Variants in ZNF212 observed in about 807,000 individuals in gnomAD.
ZNF212 encodes the protein Zinc finger protein C2H2-150.
A neutral mutation model predicts 47.3 loss-of-function variants in ZNF212; 32 were observed. The observed-to-expected ratio is 0.68, with a 90% CI of 0.51 to 0.91. ZNF212 has a LOEUF of 0.91. Ranked by LOEUF, ZNF212 falls within the 40% of genes least tolerant of loss-of-function variation. The probability of loss-of-function intolerance (pLI) is 0.00; values close to 1 mark genes in which losing one functional copy is unlikely to be tolerated. For missense variants in ZNF212, 555 were observed against 622.8 expected, an observed-to-expected ratio of 0.89 and a Z score of 1.16; for synonymous variants, 242 against 253.8, an observed-to-expected ratio of 0.95 and a Z score of 0.44.
chr7:149,252,904 T>C, intron 4 of ZNF212, 109 bp downstream of exon 4: 1 of 1,020,366 alleles, frequency 9.8e-7, no homozygotes, highest in South Asian at 1.5e-5. Flanking sequence ...TCATCTGGCA[T>C]CTGCTTGTTC....
At position 149,253,630 on chromosome 7, in the gene ZNF212, T is replaced by C; in HGVS notation, c.703T>C (p.Ser235Pro). The change falls in exon 5 of 5, where the codon TCA becomes CCA. Residue 235 changes from serine (S) to proline (P), a missense_variant. Coordinates refer to ENST00000335870, the MANE Select transcript of ZNF212 (RefSeq NM_012256.4). Reference protein sequence around the residue: ...EGPADLPGEFSCIAEEQAFLS... With the variant: ...EGPADLPGEFPCIAEEQAFLS... ...CCCTGCGGATCTTCCTGGAGAGTTC[T>C]CATGCATTGCTGAAGAGCAGGCTTT... is the stretch of plus-strand genomic sequence containing the variant. 1 of 1,614,226 alleles carries C rather than the reference T, an allele frequency of 6.2e-7. No homozygotes were observed. Among genetic ancestry groups the C allele is most frequent in the East Asian group, 2.2e-5 (1 of 44,884 alleles).
chr7:149,239,842 G>A (rs891404521), intron 1 of ZNF212, 40 bp downstream of exon 1: 12 of 1,265,736 alleles, frequency 9.5e-6, no homozygotes, highest in East Asian at 3.1e-5. Context: ...GGCGCGTTGG[G>A]GATGGCGGAG....
Position 149,255,379 on chromosome 7 carries a change from C to G in ZNF212, c.*964C>G, listed in dbSNP as rs1054245008. The G allele has an allele frequency of 5.9e-5, 9 of 153,632 alleles. No individual in the cohort carries two copies. Among genetic ancestry groups the G allele is most frequent in the African/African-American group, 1.9e-4 (8 of 41,392 alleles). The allele number at this position is 153,632 out of a possible 1,614,324, so 9.5% of individuals were successfully genotyped here. On this transcript the variant is annotated 3_prime_UTR_variant, in exon 5 of 5. Transcript: ENST00000335870. ...TGAGTTTGTTCCTATTACACCAATCCTTACTTGAGGTGGTTCGGATTACAG... is the reference window on the plus strand; with the variant it reads ...TGAGTTTGTTCCTATTACACCAATCGTTACTTGAGGTGGTTCGGATTACAG...
At position 149,239,655 on chromosome 7, in the gene ZNF212, T is replaced by C. The variant is rs917053162; in HGVS notation, c.-124T>C. Reference sequence around the variant, plus strand: ...GCCGGGGAGGTCGCTGCTCCCAGAATGCACCTGGCATCAACACGGCGGCGG... The same window carrying C: ...GCCGGGGAGGTCGCTGCTCCCAGAACGCACCTGGCATCAACACGGCGGCGG... On this transcript the variant is annotated 5_prime_UTR_variant, in exon 1 of 5. It removes an upstream start codon present in the reference 5' UTR. Coordinates refer to ENST00000335870, the MANE Select transcript of ZNF212 (RefSeq NM_012256.4). 2.1e-6 allele frequency: 2 copies of C among 950,078 alleles called. No individual in the cohort carries two copies. Among genetic ancestry groups the C allele is most frequent in the Non-Finnish European group, 2.8e-6 (2 of 726,364 alleles). The allele number at this position is 950,078 out of a possible 1,614,324, so 58.9% of individuals were successfully genotyped here.
rs781523529 is a variant in ZNF212 at position 149,254,421 on chromosome 7, C to T, written c.*6C>T. Reference sequence around the variant, plus strand: ...GGCCCAATGGCCTGCTTTAAGGGTGCAGCCCCTCGCCCGTCTGGGGGATGG... The same window carrying T: ...GGCCCAATGGCCTGCTTTAAGGGTGTAGCCCCTCGCCCGTCTGGGGGATGG... On this transcript the variant is annotated 3_prime_UTR_variant, in exon 5 of 5. Coordinates refer to ENST00000335870, the MANE Select transcript of ZNF212 (RefSeq NM_012256.4). The surrounding 1 kb of genome is among the most constrained non-coding windows in gnomAD (Gnocchi z 4.5). 4 of 1,586,856 alleles carry T rather than the reference C, an allele frequency of 2.5e-6. No individual in the cohort carries two copies. Among genetic ancestry groups the T allele is most frequent in the Non-Finnish European group, 8.5e-7 (1 of 1,173,030 alleles).
Position 149,252,481 on chromosome 7 carries a change from C to G in ZNF212, c.542-225C>G, listed in dbSNP as rs542256428. On this transcript the variant is annotated intron_variant, in intron 3 of 4. Transcript: ENST00000335870. The stretch of plus-strand genomic sequence containing the variant: ...TGTAGCCTGCCTGCCTGAGCCACAG[C>G]CCCTCTAATGGAGGAGCACTGGAGG... Among the ~76,000 whole-genome samples, 18 of 152,366 alleles carry G rather than the reference C, an allele frequency of 1.2e-4. No homozygotes were observed. In the East Asian group the frequency reaches 3.3e-3, roughly 28 times the overall value.
chr7:149,251,941 TAAA>T (rs36067111), intron 3 of ZNF212, among the ~76,000 whole-genome samples: 49 of 109,528 alleles, frequency 4.5e-4, no homozygotes, highest in African/African-American at 1.4e-3. Context: ...CTCTGTTGCT[TAAA>T]AAAAAAAAAA....
At chr7:149,250,104 C>CT (rs1159876990) in intron 1 of ZNF212, 55 bp from the exon 2 acceptor site, 1 of 1,459,540 alleles carries the variant, frequency 6.9e-7, no homozygotes, top group African/African-American at 1.4e-5. Flanking sequence ...TTGAACACTG[C>CT]TTTCTTTACT....
chr7:149,254,273 A>C lies in ZNF212; in HGVS notation c.1346A>C (p.His449Pro). Residue 449 changes from histidine (H) to proline (P), a missense_variant, in exon 5 of 5, where the codon CAC (histidine) becomes CCC (proline). His to Pro is a moderately conservative substitution (Grantham distance 77, BLOSUM62 -2). Transcript: ENST00000335870. This position sits in a 1 kb window ranked among gnomAD's most constrained non-coding sequence, Gnocchi z 4.5. Reference sequence around the variant, plus strand: ...GACTTGGTGCGGCACCAGCGCATCCACACGGGTGAGCGGCCCTACAGCTGC... The same window carrying C: ...GACTTGGTGCGGCACCAGCGCATCCCCACGGGTGAGCGGCCCTACAGCTGC... The part of the protein sequence containing the change: ...PSDLVRHQRI[H>P]TGERPYSCTE... 6.2e-7 allele frequency: 1 copy of C among 1,614,258 alleles called. No homozygotes were observed. Among genetic ancestry groups the C allele is most frequent in the Non-Finnish European group, 8.5e-7 (1 of 1,180,050 alleles).
chr7:149,243,283 C>T (rs1484090587), intron 1 of ZNF212, among the ~76,000 whole-genome samples: 1 of 151,738 alleles, frequency 6.6e-6, no homozygotes, highest in African/African-American at 2.4e-5. Flanking sequence ...GTCCCAGCTT[C>T]TTGGGAGGCT....
intron 1 of ZNF212, among the ~76,000 whole-genome samples, chr7:149,241,160 G>A (rs1304768480): frequency 6.6e-6 from 1 of 152,122 alleles, no homozygotes; most frequent in Non-Finnish European, 1.5e-5. Context: ...CAGGCCAGGC[G>A]CAGTGGCTCA....
chr7:149,252,049 A>G (rs1417386557), intron 3 of ZNF212, among the ~76,000 whole-genome samples: 2 of 151,914 alleles, frequency 1.3e-5, no homozygotes, highest in East Asian at 3.9e-4. Context: ...GGCCGGAATT[A>G]TAGCTGGTCA....
At position 149,239,693 on chromosome 7, in the gene ZNF212, C is replaced by CGG; in HGVS notation, c.-86_-85insGG. On this transcript the variant is annotated 5_prime_UTR_variant, in exon 1 of 5. Coordinates refer to ENST00000335870, the MANE Select transcript of ZNF212 (RefSeq NM_012256.4). ...AACACGGCGGCGGCGGCGGCGGCTT[C>CGG]CAACAGGCTCTGGGGCGCCGAGCGG... The CGG allele has an allele frequency of 7.7e-7, 1 of 1,293,104 alleles. No individual in the cohort carries two copies. Among genetic ancestry groups the CGG allele is most frequent in the Non-Finnish European group, 9.8e-7 (1 of 1,015,898 alleles). The allele number at this position is 1,293,104 out of a possible 1,614,324, so 80.1% of individuals were successfully genotyped here.
rs764933783 is a variant in ZNF212 at position 149,250,594 on chromosome 7, C to G, written c.414+46C>G. On this transcript the variant is annotated intron_variant, in intron 2 of 4. Coordinates refer to ENST00000335870, the MANE Select transcript of ZNF212 (RefSeq NM_012256.4). Reference sequence around the variant, plus strand: ...AAGTTAGAAGAGAAGGGGGAGCCAGCCCTTTAATATGTAAGCACCTCAGTT... The same window carrying G: ...AAGTTAGAAGAGAAGGGGGAGCCAGGCCTTTAATATGTAAGCACCTCAGTT... 6 of 1,604,334 alleles carry G rather than the reference C, an allele frequency of 3.7e-6. No homozygotes were observed. The African/African-American group carries it at 4.0e-5, about 11-fold the overall frequency.
chr7:149,247,151 C>T (rs1233576182), intron 1 of ZNF212, among the ~76,000 whole-genome samples: 1 of 150,236 alleles, frequency 6.7e-6, no homozygotes, highest in East Asian at 1.9e-4. Flanking sequence ...CTTTGTCACT[C>T]AGGCTGGAGT....
chr7:149,253,669 C>A lies in ZNF212; in HGVS notation c.742C>A (p.Gln248Lys). Residue 248 changes from glutamine to lysine, a missense_variant, in exon 5 of 5, where the codon CAG (glutamine) becomes AAG (lysine). Transcript: ENST00000335870. ...AEEQAFLSPE[Q>K]TELWGGQGSS... ...AGAGCAGGCTTTCCTGAGCCCAGAG[C>A]AGACCGAACTCTGGGGTGGTCAGGG... The A allele has an allele frequency of 6.2e-7, 1 of 1,614,216 alleles. No homozygotes were observed. The highest frequency in any genetic ancestry group is 2.2e-5 in the East Asian group (1 of 44,888).
chr7:149,240,531 T>G (rs1424916923), intron 1 of ZNF212, among the ~76,000 whole-genome samples: 1 of 152,198 alleles, frequency 6.6e-6, no homozygotes, highest in Non-Finnish European at 1.5e-5. Context: ...CTGTGTTCGC[T>G]TCTCTGGGTC....
chr7:149,251,637 G>A (rs775620608), intron 3 of ZNF212, among the ~76,000 whole-genome samples: 9 of 151,122 alleles, frequency 6.0e-5, no homozygotes, highest in South Asian at 2.1e-4. Flanking sequence ...ACAGGCACAT[G>A]CCACTGCGCC....
Position 149,253,849 on chromosome 7 carries a change from C to G in ZNF212, c.922C>G (p.Leu308Val), listed in dbSNP as rs1408863552. 6.2e-7 allele frequency: 1 copy of G among 1,613,980 alleles called. No homozygotes were observed. Among genetic ancestry groups the G allele is most frequent in the South Asian group, 1.1e-5 (1 of 91,080 alleles). ...CCAGGAATGTGGGCAGGGCCTGAAG[C>G]TGAAAAAGGACACTTCCCGCCCCTA... ...LDQECGQGLK[L>V]KKDTSRPYEC... The change falls in exon 5 of 5, where the codon CTG (leucine) becomes GTG (valine). Residue 308 changes from leucine to valine, a missense_variant. Coordinates refer to ENST00000335870, the MANE Select transcript of ZNF212 (RefSeq NM_012256.4).
Sources: gnomAD v4.1 joint callset for allele counts (sites outside exome capture counted in the v4.1 genomes callset) on GRCh38, gnomAD v4.1.1 for gene constraint, Gnocchi (gnomAD v3.1) non-coding constraint, MANE v1.5 for transcripts, NCBI Gene and HGNC (gene_info 2026-07-23, HGNC 2026-07-21) for gene names.